MIPEP: variants seen among roughly 807,000 people sequenced by gnomAD.
The protein encoded by MIPEP is mitochondrial intermediate peptidase.
In MIPEP, 79 loss-of-function variants were observed where a neutral mutation model predicts 90.3. The ratio of observed to expected loss-of-function variants is 0.87; its 90% confidence interval spans 0.73 to 1.05. The LOEUF is 1.05. Among genes scored for constraint, MIPEP ranks in the 50% least tolerant of loss-of-function variants. The pLI is 0.00. For synonymous variants in MIPEP, 334 were observed against 315.8 expected (o/e 1.06, Z -0.61); for missense variants, 940 against 905.6 (o/e 1.04, Z -0.49).
At chr13:23,845,388 T>C (rs745742362) in intron 10 of MIPEP, among the ~76,000 whole-genome samples, 11 of 152,176 alleles carry the variant, frequency 7.2e-5, no homozygotes, top group Non-Finnish European at 1.3e-4. Flanking sequence ...CTGACATCGT[T>C]TGGAATTTCC....
intron 2 of MIPEP, among the ~76,000 whole-genome samples, chr13:23,884,105 T>C (rs1404714121): frequency 1.3e-5 from 2 of 152,114 alleles, no homozygotes; most frequent in Admixed American, 1.3e-4. Flanking sequence ...GGATGAGTTA[T>C]GCTGGGTGAA....
intron 15 of MIPEP, among the ~76,000 whole-genome samples, chr13:23,809,494 A>ACCAC (rs1953148565): frequency 6.6e-6 from 1 of 152,034 alleles, no homozygotes; most frequent in African/African-American, 2.4e-5. Context: ...ATAAGCATGC[A>ACCAC]CCACCATGCC....
chr13:23,784,415 T>C (rs1952813265), intron 16 of MIPEP, among the ~76,000 whole-genome samples: 1 of 152,178 alleles, frequency 6.6e-6, no homozygotes, highest in Non-Finnish European at 1.5e-5. Context: ...TAAATGGTGC[T>C]GGGAAAACTG....
At chr13:23,752,534 T>C (rs1223270275) in intron 18 of MIPEP, among the ~76,000 whole-genome samples, 2 of 152,174 alleles carry the variant, frequency 1.3e-5, no homozygotes, top group African/African-American at 4.8e-5. Flanking sequence ...ATATATTTTA[T>C]AAAATGGTAA....
chr13:23,758,259 G>A (rs1462035432), intron 17 of MIPEP, among the ~76,000 whole-genome samples: 1 of 152,134 alleles, frequency 6.6e-6, no homozygotes, highest in Non-Finnish European at 1.5e-5. Flanking sequence ...CTAGCTCCTG[G>A]CTTGCCTCAG....
chr13:23,733,760 T>C (rs1952230405), intron 18 of MIPEP, among the ~76,000 whole-genome samples: 1 of 152,206 alleles, frequency 6.6e-6, no homozygotes, highest in Admixed American at 6.5e-5. Flanking sequence ...TAGACTAAAA[T>C]ATTTTCACTG....
chr13:23,854,449 C>G (rs1055463495), intron 10 of MIPEP, among the ~76,000 whole-genome samples: 3 of 152,034 alleles, frequency 2.0e-5, no homozygotes, highest in Admixed American at 2.0e-4. Context: ...AAAAAAAAGT[C>G]CTTCTGTGAG....
In MIPEP at chr13:23,839,741, T is replaced by A. The variant is rs979934045; in HGVS notation, c.1261-15A>T. 6.3e-7 allele frequency: 1 copy of A among 1,594,608 alleles called. No individual in the cohort carries two copies. The highest frequency in any genetic ancestry group is 1.4e-5 in the African/African-American group (1 of 74,026). ...TGAACAACAGCCTAGAAAAAAAAAT[T>A]TAAATTTGGTGGTAAATGAGGCCAT... On this transcript the variant is annotated splice_polypyrimidine_tract_variant and intron_variant, in intron 11 of 18. Coordinates refer to ENST00000382172, the MANE Select transcript of MIPEP (RefSeq NM_005932.4).
chr13:23,786,854 G>A (rs11619642), intron 16 of MIPEP, among the ~76,000 whole-genome samples: 30,252 of 152,118 alleles, frequency 0.2, 3,539 homozygotes, highest in Non-Finnish European at 0.27. Flanking sequence ...CACTGTTACG[G>A]ACTTATTTTA....
At chr13:23,831,383 C>CGGCGG (rs1555237538) in intron 14 of MIPEP, among the ~76,000 whole-genome samples, 1,356 of 40,890 alleles carry the variant, frequency 0.033, 110 homozygotes, top group African/African-American at 0.11. Flanking sequence ...TTCCCCATGG[C>CGGCGG]GGGGGGGGGA....
Position 23,878,778 on chromosome 13 carries a change from C to T in MIPEP, c.539+490G>A, listed in dbSNP as rs79894074. ...AAATCATTACAAGGATCTTGACATC[C>T]TCCCAGTAGATAAAATCGATTTGCT... On this transcript the variant is annotated intron_variant, in intron 4 of 18. Transcript: ENST00000382172. Among the ~76,000 whole-genome samples, 161 of 152,290 alleles carry T rather than the reference C, an allele frequency of 1.1e-3. 3 individuals carry two copies. In the East Asian group the frequency reaches 0.029, roughly 27 times the overall value.
rs762790868 is a variant in MIPEP at position 23,858,978 on chromosome 13, G to A, written c.1054-66C>T. ...CTTTCATAGTTTTTATCAGCAACGT[G>A]GCCAGCCTATAGAATGTAAACCAGC... On this transcript the variant is annotated intron_variant, in intron 9 of 18. Coordinates refer to ENST00000382172, the MANE Select transcript of MIPEP (RefSeq NM_005932.4). 49 of 1,331,868 alleles carry A rather than the reference G, an allele frequency of 3.7e-5. No homozygotes were observed. In the South Asian group the frequency reaches 4.8e-4, roughly 13 times the overall value. The allele number at this position is 1,331,868 out of a possible 1,614,324, so 82.5% of individuals were successfully genotyped here. A position where few individuals can be genotyped will look rare whatever the true frequency, so the allele number is the denominator to read the frequency against.
chr13:23,756,507 C>T lies in MIPEP; in HGVS notation c.2044+38G>A, dbSNP rs1429425879. 3.2e-6 allele frequency: 5 copies of T among 1,584,772 alleles called. No individual in the cohort carries two copies. The East Asian group carries it at 8.9e-5, about 28-fold the overall frequency. On this transcript the variant is annotated intron_variant, in intron 18 of 18. Coordinates refer to ENST00000382172, the MANE Select transcript of MIPEP (RefSeq NM_005932.4). ...AACATATGGAGAAAACATAAATCAG[C>T]TTTCATTATAGATGGTGCCATTTTG...
intron 14 of MIPEP, among the ~76,000 whole-genome samples, chr13:23,811,847 C>G (rs902402462): frequency 2.0e-5 from 3 of 152,170 alleles, no homozygotes; most frequent in Non-Finnish European, 4.4e-5. Context: ...TTCCCCAGGC[C>G]CCTGCCTGAC....
chr13:23,874,778 TA>T lies in MIPEP; in HGVS notation c.603+67del, dbSNP rs1174773023. 4.6e-6 allele frequency: 6 copies of T among 1,314,062 alleles called. No individual in the cohort carries two copies. In the African/African-American group the frequency reaches 9.1e-5, roughly 20 times the overall value. 81.4% of individuals were successfully genotyped at this position (1,314,062 alleles called of 1,614,324 possible). The stretch of plus-strand genomic sequence containing the variant: ...ATTCAAGCAATATATACAAGGACTG[TA>T]GCAATAATGGTATCAACTAAATGTT... On this transcript the variant is annotated intron_variant, in intron 5 of 18. Coordinates refer to ENST00000382172, the MANE Select transcript of MIPEP (RefSeq NM_005932.4).
chr13:23,762,268 C>T (rs1205588157), intron 16 of MIPEP, among the ~76,000 whole-genome samples: 1 of 152,050 alleles, frequency 6.6e-6, no homozygotes, highest in Non-Finnish European at 1.5e-5. Context: ...CTTGCTACAA[C>T]TCTATAAACT....
chr13:23,786,533 A>G (rs182003960), intron 16 of MIPEP, among the ~76,000 whole-genome samples: 1 of 152,344 alleles, frequency 6.6e-6, no homozygotes, highest in East Asian at 1.9e-4. Context: ...ACGTATATCA[A>G]GAAGGATAAA....
intron 4 of MIPEP, 48 bp from the exon 5 acceptor site, chr13:23,874,957 A>G: frequency 6.5e-7 from 1 of 1,533,028 alleles, no homozygotes; most frequent in Non-Finnish European, 8.7e-7. Flanking sequence ...AAAAATTGCT[A>G]ACAAAAAAAT....
At chr13:23,852,267 A>T (rs9551014) in intron 10 of MIPEP, among the ~76,000 whole-genome samples, 28,269 of 152,208 alleles carry the variant, frequency 0.19, 3,068 homozygotes, top group Middle Eastern at 0.24. Flanking sequence ...AATATAGACT[A>T]GATATTAAAT....
Sources: allele counts gnomAD v4.1 joint callset (sites outside exome capture counted in the v4.1 genomes callset), GRCh38; gene constraint gnomAD v4.1.1; transcripts MANE v1.5; gene names NCBI Gene and HGNC (gene_info 2026-07-23, HGNC 2026-07-21).